Variants in DGKB observed in about 807,000 individuals in gnomAD.
The protein encoded by DGKB is 90 kDa diacylglycerol kinase.
Under a neutral mutation model 114.3 loss-of-function variants are expected in DGKB, and 67 were observed. The observed-to-expected ratio is 0.59, with a 90% CI of 0.48 to 0.72. The LOEUF is 0.72. DGKB is among the 30% of genes least tolerant of loss of function. DGKB has a pLI of 0.00. For synonymous variants in DGKB, 398 were observed against 323.1 expected (o/e 1.23, Z -2.49); for missense variants, 907 against 975.2 (o/e 0.93, Z 0.93).
At chr7:14,937,462 T>C (rs1307291024) in intron 1 of DGKB, among the ~76,000 whole-genome samples, 1 of 152,150 alleles carries the variant, frequency 6.6e-6, no homozygotes, top group Non-Finnish European at 1.5e-5. Flanking sequence ...CCAAGTTTAT[T>C]TTTTTAAATA....
At chr7:14,776,041 T>G (rs76590541) in intron 2 of DGKB, among the ~76,000 whole-genome samples, 37 of 152,118 alleles carry the variant, frequency 2.4e-4, no homozygotes, top group African/African-American at 8.7e-4. Flanking sequence ...AAGTCCAAGC[T>G]GAGGTGGTCT....
At chr7:14,861,974 T>G (rs1326343735) in intron 1 of DGKB, among the ~76,000 whole-genome samples, 1 of 152,016 alleles carries the variant, frequency 6.6e-6, no homozygotes, top group Non-Finnish European at 1.5e-5. Context: ...TGTTTCTCAT[T>G]TATATGACCA....
chr7:14,574,072 T>C (rs1798767367), intron 20 of DGKB, 140 bp downstream of exon 20: 1 of 579,288 alleles, frequency 1.7e-6, no homozygotes, highest in African/African-American at 1.9e-5. Context: ...GCAATAATAA[T>C]TGCCTATTAG....
At chr7:14,714,380 C>T (rs951680056) in intron 6 of DGKB, among the ~76,000 whole-genome samples, 1 of 152,064 alleles carries the variant, frequency 6.6e-6, no homozygotes, top group South Asian at 2.1e-4. Context: ...CCAAAGCAAG[C>T]CTGGCAGAGT....
chr7:14,493,417 A>C (rs750259499), intron 20 of DGKB, among the ~76,000 whole-genome samples: 6 of 152,118 alleles, frequency 3.9e-5, no homozygotes, highest in Non-Finnish European at 5.9e-5. Flanking sequence ...AATAAAATAG[A>C]ACAATTATCA....
chr7:14,864,144 A>T (rs775103296), intron 1 of DGKB, among the ~76,000 whole-genome samples: 1 of 151,650 alleles, frequency 6.6e-6, no homozygotes, highest in Non-Finnish European at 1.5e-5. Context: ...GGAAAATTGA[A>T]ATTATTGGAA....
intron 23 of DGKB, among the ~76,000 whole-genome samples, chr7:14,184,038 C>T (rs1329086420): frequency 6.6e-6 from 1 of 152,130 alleles, no homozygotes; most frequent in Non-Finnish European, 1.5e-5. Flanking sequence ...AGCTGACAGT[C>T]CATTTGCAGG....
intron 21 of DGKB, among the ~76,000 whole-genome samples, chr7:14,462,933 T>A (rs889082826): frequency 6.6e-6 from 1 of 151,996 alleles, no homozygotes; most frequent in African/African-American, 2.4e-5. Flanking sequence ...TCAGGAATAA[T>A]GCCACACATT....
intron 17 of DGKB, among the ~76,000 whole-genome samples, chr7:14,595,346 T>C (rs919082870): frequency 1.3e-5 from 2 of 152,056 alleles, no homozygotes; most frequent in African/African-American, 4.8e-5. Context: ...AAACAGTGTG[T>C]AAATTCGGGA....
At chr7:14,835,060 A>C (rs1277762452) in intron 2 of DGKB, among the ~76,000 whole-genome samples, 1 of 152,154 alleles carries the variant, frequency 6.6e-6, no homozygotes, top group Non-Finnish European at 1.5e-5. Flanking sequence ...TATGAAGCCA[A>C]CATATATTCT....
intron 21 of DGKB, among the ~76,000 whole-genome samples, chr7:14,363,947 T>C (rs1816196578): frequency 6.6e-6 from 1 of 152,024 alleles, no homozygotes; most frequent in Non-Finnish European, 1.5e-5. Context: ...ACAATTAGAC[T>C]TTAACATAGA....
At position 14,849,284 on chromosome 7, in the gene DGKB, T is replaced by C. The variant is rs115693203; in HGVS notation, c.-187-7834A>G. 4.9e-3 allele frequency among the ~76,000 whole-genome samples: 747 copies of C among 151,556 alleles called. 7 individuals carry two copies. The highest frequency in any genetic ancestry group is 0.017 in the African/African-American group (705 of 41,260). On this transcript the variant is annotated intron_variant, in intron 1 of 25. Transcript: ENST00000402815. ...TAGCTGTATATAGAGGGTCATCTGA[T>C]AGGAGTAGCTATAATTTGAATATTT...
intron 23 of DGKB, among the ~76,000 whole-genome samples, chr7:14,272,260 T>C (rs1798374912): frequency 6.6e-6 from 1 of 152,192 alleles, no homozygotes; most frequent in Admixed American, 6.5e-5. Flanking sequence ...ACATGTAAAA[T>C]CTTTTAGCAT....
At chr7:14,682,056 T>A (rs1253730180) in intron 12 of DGKB, among the ~76,000 whole-genome samples, 1 of 27,014 alleles carries the variant, frequency 3.7e-5, no homozygotes, top group Non-Finnish European at 6.1e-5. Flanking sequence ...TCTGCTTAAC[T>A]TTTTTGGTCT....
chr7:14,849,267 T>A (rs1329162317), intron 1 of DGKB, among the ~76,000 whole-genome samples: 2 of 152,062 alleles, frequency 1.3e-5, no homozygotes, highest in African/African-American at 4.8e-5. Flanking sequence ...AGTAGCTGTA[T>A]ATAGAGGGTC....
At chr7:14,547,574 G>A (rs10236893) in intron 20 of DGKB, among the ~76,000 whole-genome samples, 20,818 of 152,038 alleles carry the variant, frequency 0.14, 2,119 homozygotes, top group East Asian at 0.33. Flanking sequence ...ATTTACCTAA[G>A]GAGCTGTTCT....
At chr7:14,613,574 TGC>T (rs1471367676) in intron 15 of DGKB, among the ~76,000 whole-genome samples, 161 bp from the exon 16 acceptor site, 7 of 81,914 alleles carry the variant, frequency 8.5e-5, no homozygotes, top group East Asian at 1.8e-3. Context: ...TGCGTGTGTG[TGC>T]GTGTGTATGT....
intron 21 of DGKB, among the ~76,000 whole-genome samples, chr7:14,366,609 A>T (rs1816714336): frequency 6.6e-6 from 1 of 152,134 alleles, no homozygotes; most frequent in Non-Finnish European, 1.5e-5. Context: ...ATGACAAAAA[A>T]ATTGACAAAT....
chr7:14,802,345 T>C (rs985004755), intron 2 of DGKB, among the ~76,000 whole-genome samples: 1 of 152,128 alleles, frequency 6.6e-6, no homozygotes, highest in African/African-American at 2.4e-5. Context: ...TTTCTGGAAA[T>C]GTCCACTGCA....
Sources: gnomAD v4.1 joint callset for allele counts (sites outside exome capture counted in the v4.1 genomes callset) on GRCh38, gnomAD v4.1.1 for gene constraint, MANE v1.5 for transcripts, NCBI Gene and HGNC (gene_info 2026-07-23, HGNC 2026-07-21) for gene names.